The following ERBB4 variants were observed in gnomAD, a reference collection of about 807,000 sequenced individuals.
ERBB4 encodes receptor tyrosine-protein kinase erbB-4.
In ERBB4, 42 loss-of-function variants were observed where a neutral mutation model predicts 158.0. That is an observed-to-expected ratio of 0.27 (90% CI 0.21 to 0.34). The LOEUF (loss-of-function observed/expected upper bound fraction) is 0.34. ERBB4 is among the 10% of genes least tolerant of loss of function. ERBB4 has a pLI of 1.00. For missense variants in ERBB4, 1,333 were observed against 1,624.1 expected (o/e 0.82, Z 3.08); for synonymous variants, 583 against 558.7 (o/e 1.04, Z -0.61).
chr2:211,775,022 G>A (rs1384459214), intron 4 of ERBB4, among the ~76,000 whole-genome samples: 3 of 152,126 alleles, frequency 2.0e-5, no homozygotes, highest in Admixed American at 2.0e-4. Flanking sequence ...GGCCAACTGT[G>A]GTGCTAATAA....
chr2:211,902,172 G>T (rs894352421), intron 3 of ERBB4, among the ~76,000 whole-genome samples: 11 of 151,930 alleles, frequency 7.2e-5, no homozygotes, highest in Non-Finnish European at 1.5e-5. Context: ...TTTGAGCAGG[G>T]ATTACCCCTT....
intron 3 of ERBB4, among the ~76,000 whole-genome samples, chr2:211,901,293 G>C (rs1056373019): frequency 6.6e-6 from 1 of 152,066 alleles, no homozygotes; most frequent in Non-Finnish European, 1.5e-5. Context: ...TTTTTAAATA[G>C]AAATTACATT....
intron 1 of ERBB4, among the ~76,000 whole-genome samples, chr2:212,234,271 T>C (rs766368952): frequency 3.6e-4 from 54 of 152,112 alleles, no homozygotes; most frequent in Non-Finnish European, 7.4e-4. Flanking sequence ...CTGAGAATGA[T>C]GGTTTCCAGT....
chr2:211,425,027 A>C (rs1363855299), intron 22 of ERBB4, among the ~76,000 whole-genome samples: 1 of 152,184 alleles, frequency 6.6e-6, no homozygotes, highest in African/African-American at 2.4e-5. Context: ...GCATGCAAAC[A>C]GCCAGTTTTG....
intron 25 of ERBB4, among the ~76,000 whole-genome samples, chr2:211,399,678 T>C (rs890317635): frequency 5.3e-5 from 8 of 152,188 alleles, no homozygotes; most frequent in Admixed American, 5.2e-4. Flanking sequence ...GGGTGAGTGA[T>C]TCTGAATGCG....
intron 1 of ERBB4, among the ~76,000 whole-genome samples, chr2:212,332,788 A>G (rs1021089211): frequency 2.0e-5 from 3 of 152,052 alleles, no homozygotes; most frequent in Non-Finnish European, 4.4e-5. Context: ...TTGGGTTAAT[A>G]AAAAGAATGG....
chr2:211,941,378 A>G (rs752822539), intron 3 of ERBB4, among the ~76,000 whole-genome samples: 4 of 152,016 alleles, frequency 2.6e-5, no homozygotes, highest in Non-Finnish European at 5.9e-5. Context: ...GCCTGGTTGA[A>G]CCCACTCAAA....
intron 3 of ERBB4, among the ~76,000 whole-genome samples, chr2:211,826,311 G>A (rs774109132): frequency 4.0e-5 from 6 of 151,524 alleles, no homozygotes; most frequent in African/African-American, 9.7e-5. Flanking sequence ...TATGGATTAC[G>A]GATATAATCA....
intron 25 of ERBB4, among the ~76,000 whole-genome samples, chr2:211,402,505 T>C (rs2063066308): frequency 6.6e-6 from 1 of 152,058 alleles, no homozygotes; most frequent in Non-Finnish European, 1.5e-5. Context: ...ATTTGGTTCA[T>C]TGCCAATATG....
intron 1 of ERBB4, among the ~76,000 whole-genome samples, chr2:212,226,814 T>C (rs2083486891): frequency 6.6e-6 from 1 of 151,768 alleles, no homozygotes; most frequent in African/African-American, 2.4e-5. Context: ...CCTAAATTCA[T>C]AGAGGTTGAA....
chr2:212,414,846 T>C (rs147069856), intron 1 of ERBB4, among the ~76,000 whole-genome samples: 1 of 152,316 alleles, frequency 6.6e-6, no homozygotes, highest in East Asian at 1.9e-4. Flanking sequence ...TGTCTAATGA[T>C]GTAGTTGTTG....
intron 19 of ERBB4, among the ~76,000 whole-genome samples, chr2:211,574,292 G>C (rs2067827137): frequency 6.6e-6 from 1 of 152,134 alleles, no homozygotes; most frequent in Non-Finnish European, 1.5e-5. Context: ...GGGAGAGCTA[G>C]CAGTATCTCT....
chr2:212,015,149 C>T (rs532392619), intron 2 of ERBB4, among the ~76,000 whole-genome samples: 48 of 138,992 alleles, frequency 3.5e-4, no homozygotes, highest in African/African-American at 1.3e-3. Context: ...GCCTGTAGTC[C>T]CAGCTACTCG....
intron 1 of ERBB4, among the ~76,000 whole-genome samples, chr2:212,331,061 T>C (rs1451108392): frequency 1.6e-5 from 2 of 123,016 alleles, no homozygotes; most frequent in African/African-American, 5.6e-5. Context: ...GTAATTTGTA[T>C]ATATATATAT....
intron 1 of ERBB4, among the ~76,000 whole-genome samples, chr2:212,202,983 A>C (rs1443138401): frequency 3.3e-5 from 5 of 151,698 alleles, no homozygotes. Context: ...TATATGTTAT[A>C]TAACTTATTT....
At position 211,444,422 on chromosome 2, in the gene ERBB4, T is replaced by A. The variant is rs141189266; in HGVS notation, c.2488-13322A>T. 2.2e-3 allele frequency among the ~76,000 whole-genome samples: 338 copies of A among 152,078 alleles called. 2 individuals are homozygous for A. Among genetic ancestry groups the A allele is most frequent in the African/African-American group, 7.7e-3 (319 of 41,468 alleles). ...CAAAATTAAATATTTTGTGTTACTC[T>A]TAAGTTATCTATAATTGAATCTCAC... is the stretch of plus-strand genomic sequence containing the variant. On this transcript the variant is annotated intron_variant, in intron 20 of 27. Coordinates refer to ENST00000342788, the MANE Select transcript of ERBB4 (RefSeq NM_005235.3).
chr2:212,060,071 A>G (rs2077711876), intron 2 of ERBB4, among the ~76,000 whole-genome samples: 1 of 152,248 alleles, frequency 6.6e-6, no homozygotes, highest in Non-Finnish European at 1.5e-5. Context: ...TCCAGAATCT[A>G]CAAAGAACTT....
chr2:212,166,855 T>C (rs907993973), intron 1 of ERBB4, among the ~76,000 whole-genome samples: 3 of 152,150 alleles, frequency 2.0e-5, no homozygotes, highest in Admixed American at 2.0e-4. Flanking sequence ...GATCTCCTAT[T>C]CCATAAATGG....
chr2:211,403,275 T>C (rs912732850), intron 25 of ERBB4, among the ~76,000 whole-genome samples: 1 of 152,132 alleles, frequency 6.6e-6, no homozygotes, highest in Non-Finnish European at 1.5e-5. Context: ...ATGGAGAATG[T>C]CTATTCCATG....
Sources: allele counts gnomAD v4.1 joint callset (sites outside exome capture counted in the v4.1 genomes callset), GRCh38; gene constraint gnomAD v4.1.1; transcripts MANE v1.5; gene names NCBI Gene and HGNC (gene_info 2026-07-23, HGNC 2026-07-21).